GALNTL6: variants seen among roughly 807,000 people sequenced by gnomAD.
GALNTL6 encodes the protein polypeptide N-acetylgalactosaminyltransferase-like 6.
In GALNTL6, 46 loss-of-function variants were observed where a neutral mutation model predicts 73.7. The observed-to-expected ratio is 0.62, with a 90% CI of 0.49 to 0.80. The LOEUF (loss-of-function observed/expected upper bound fraction) is 0.80. GALNTL6 is among the 30% of genes least tolerant of loss of function. GALNTL6 has a pLI of 0.00. For synonymous variants in GALNTL6, 259 were observed against 263.7 expected (o/e 0.98, Z 0.17); for missense variants, 604 against 755.0 (o/e 0.80, Z 2.34).
At chr4:172,707,697 A>G (rs138813339) in intron 5 of GALNTL6, among the ~76,000 whole-genome samples, 1,554 of 152,284 alleles carry the variant, frequency 0.01, 50 homozygotes, top group Admixed American at 0.061. Flanking sequence ...AGAGAGGGAG[A>G]TTAGGCTCAA....
intron 4 of GALNTL6, among the ~76,000 whole-genome samples, chr4:172,319,689 T>G (rs1390728507): frequency 6.6e-6 from 1 of 152,226 alleles, no homozygotes; most frequent in Non-Finnish European, 1.5e-5. Context: ...AATTATTTAT[T>G]AAGCATGTGA....
chr4:172,879,279 T>C (rs941093525), intron 7 of GALNTL6, among the ~76,000 whole-genome samples: 1 of 151,872 alleles, frequency 6.6e-6, no homozygotes, highest in Non-Finnish European at 1.5e-5. Flanking sequence ...CAACTTGACC[T>C]AATAAATATT....
At chr4:172,182,878 T>C (rs1735298341) in intron 2 of GALNTL6, among the ~76,000 whole-genome samples, 2 of 152,302 alleles carry the variant, frequency 1.3e-5, no homozygotes, top group South Asian at 4.1e-4. Context: ...CCTCTTTTCA[T>C]GCCTTTAATA....
chr4:172,688,760 T>C (rs1490338356), intron 5 of GALNTL6, among the ~76,000 whole-genome samples: 1 of 152,224 alleles, frequency 6.6e-6, no homozygotes, highest in African/African-American at 2.4e-5. Flanking sequence ...ATACCATACT[T>C]GGATCTGTGT....
intron 8 of GALNTL6, among the ~76,000 whole-genome samples, chr4:172,915,845 G>A (rs1747474802): frequency 6.6e-6 from 1 of 152,116 alleles, no homozygotes; most frequent in Non-Finnish European, 1.5e-5. Context: ...CATCCCTTCT[G>A]AAACTATTCC....
chr4:172,721,586 G>A (rs571531347), intron 5 of GALNTL6, among the ~76,000 whole-genome samples: 4 of 152,240 alleles, frequency 2.6e-5, no homozygotes, highest in South Asian at 2.1e-4. Context: ...AATAGAGTTG[G>A]TTACAGCTAT....
intron 2 of GALNTL6, among the ~76,000 whole-genome samples, chr4:171,866,696 T>C (rs1735979459): frequency 6.6e-6 from 1 of 152,056 alleles, no homozygotes; most frequent in Non-Finnish European, 1.5e-5. Context: ...GCCAGCGGGG[T>C]CGGGTTCTGT....
At chr4:172,502,197 T>C (rs1366508177) in intron 5 of GALNTL6, among the ~76,000 whole-genome samples, 1 of 152,192 alleles carries the variant, frequency 6.6e-6, no homozygotes, top group Admixed American at 6.5e-5. Flanking sequence ...CATGGGCTTC[T>C]TTGTGAAGCT....
chr4:172,250,000 T>C (rs1195480016), intron 3 of GALNTL6, among the ~76,000 whole-genome samples: 1 of 152,116 alleles, frequency 6.6e-6, no homozygotes, highest in African/African-American at 2.4e-5. Flanking sequence ...GACCCTAGAA[T>C]GGCAGATCCA....
At chr4:172,440,375 C>G (rs1731785461) in intron 5 of GALNTL6, among the ~76,000 whole-genome samples, 1 of 151,870 alleles carries the variant, frequency 6.6e-6, no homozygotes, top group African/African-American at 2.4e-5. Flanking sequence ...GTAAAAGAAG[C>G]CGATCTGGAA....
In GALNTL6 at chr4:172,828,285, A is replaced by C. The variant is rs200431575; in HGVS notation, c.923+14562A>C. Among the ~76,000 whole-genome samples, 158 of 151,522 alleles carry C rather than the reference A, an allele frequency of 1.0e-3. No individual in the cohort carries two copies. The South Asian group carries it at 0.023, about 22-fold the overall frequency. ...AGACTCCATCTCAAAAAAAAAAAAA[A>C]AAAGAAACAAACAAAAAAAACATTG... On this transcript the variant is annotated intron_variant, in intron 7 of 12. Transcript: ENST00000506823.
At chr4:171,946,845 G>GT (rs1738716243) in intron 2 of GALNTL6, among the ~76,000 whole-genome samples, 1 of 151,526 alleles carries the variant, frequency 6.6e-6, no homozygotes, top group Admixed American at 6.7e-5. Flanking sequence ...AGAAGGTCTA[G>GT]AACAACTCCA....
chr4:171,982,433 G>T (rs890253105), intron 2 of GALNTL6, among the ~76,000 whole-genome samples: 11 of 152,148 alleles, frequency 7.2e-5, no homozygotes, highest in African/African-American at 2.4e-4. Context: ...CAGTAGCTGG[G>T]ACTACAGGCG....
At chr4:171,900,486 T>C (rs1028530855) in intron 2 of GALNTL6, among the ~76,000 whole-genome samples, 1 of 84,734 alleles carries the variant, frequency 1.2e-5, no homozygotes, top group African/African-American at 3.7e-5. Context: ...TTTTTGTATT[T>C]TTTTTTTTTT....
chr4:172,377,332 A>T (rs1205625470), intron 5 of GALNTL6, among the ~76,000 whole-genome samples: 1 of 152,130 alleles, frequency 6.6e-6, no homozygotes, highest in Non-Finnish European at 1.5e-5. Flanking sequence ...TCCCCACCAG[A>T]TTAGCTAGAT....
chr4:172,875,620 G>GGA (rs1745153922), intron 7 of GALNTL6, among the ~76,000 whole-genome samples: 1 of 151,938 alleles, frequency 6.6e-6, no homozygotes, highest in Non-Finnish European at 1.5e-5. Flanking sequence ...CTGAACAGCA[G>GGA]GAAAGATCAG....
intron 5 of GALNTL6, among the ~76,000 whole-genome samples, chr4:172,611,985 A>T (rs1560835410): frequency 6.6e-6 from 1 of 152,250 alleles, no homozygotes; most frequent in Admixed American, 6.5e-5. Context: ...CAACAGAGCT[A>T]TTTTGGTAAA....
chr4:172,744,707 C>T (rs1440267553), intron 5 of GALNTL6, among the ~76,000 whole-genome samples: 3 of 152,102 alleles, frequency 2.0e-5, no homozygotes, highest in South Asian at 4.1e-4. Context: ...TTTTCTCTCT[C>T]GTGGTGAAAG....
intron 2 of GALNTL6, among the ~76,000 whole-genome samples, chr4:172,035,389 A>C (rs1741902389): frequency 6.6e-6 from 1 of 152,156 alleles, no homozygotes; most frequent in East Asian, 1.9e-4. Context: ...AAAAATTGGC[A>C]GTGGATATTA....
Sources: gnomAD v4.1 joint callset for allele counts (sites outside exome capture counted in the v4.1 genomes callset) on GRCh38, gnomAD v4.1.1 for gene constraint, MANE v1.5 for transcripts, NCBI Gene and HGNC (gene_info 2026-07-23, HGNC 2026-07-21) for gene names.